Variants in ASXL3 observed in about 807,000 individuals in gnomAD.
The protein encoded by ASXL3 is putative Polycomb group protein ASXL3.
In ASXL3, 34 loss-of-function variants were observed where a neutral mutation model predicts 170.6. The ratio of observed to expected loss-of-function variants is 0.20; its 90% confidence interval spans 0.15 to 0.27. The LOEUF is 0.27. Among genes scored for constraint, ASXL3 ranks in the 10% least tolerant of loss-of-function variants. ASXL3 has a pLI of 1.00. For missense variants in ASXL3, 2,592 were observed against 2,695.3 expected (o/e 0.96, Z 0.85); for synonymous variants, 1,002 against 989.1 (o/e 1.01, Z -0.24).
At chr18:33,657,905 T>C (rs1046917838) in intron 4 of ASXL3, among the ~76,000 whole-genome samples, 1 of 152,164 alleles carries the variant, frequency 6.6e-6, no homozygotes, top group African/African-American at 2.4e-5. Context: ...ATAAAAATTC[T>C]AGGGAGAACT....
chr18:33,651,528 T>C (rs2065998716), intron 4 of ASXL3, among the ~76,000 whole-genome samples: 2 of 152,202 alleles, frequency 1.3e-5, no homozygotes, highest in Admixed American at 6.5e-5. Flanking sequence ...TTCCTTCTTA[T>C]ATTCATCCTT....
chr18:33,586,530 T>G (rs1387669799), intron 1 of ASXL3, among the ~76,000 whole-genome samples: 1 of 152,124 alleles, frequency 6.6e-6, no homozygotes, highest in Non-Finnish European at 1.5e-5. Flanking sequence ...AAAAATCAGA[T>G]TTCTTGATAG....
intron 8 of ASXL3, among the ~76,000 whole-genome samples, chr18:33,714,645 C>A (rs573039114): frequency 2.2e-4 from 33 of 152,096 alleles, no homozygotes; most frequent in African/African-American, 6.3e-4. Flanking sequence ...CACGTTTTCC[C>A]CAACTCAGCT....
chr18:33,725,126 C>T (rs536096994), intron 8 of ASXL3, among the ~76,000 whole-genome samples: 1 of 152,200 alleles, frequency 6.6e-6, no homozygotes, highest in Non-Finnish European at 1.5e-5. Context: ...GGTGCTTGAT[C>T]ATGCAGGGTA....
intron 7 of ASXL3, among the ~76,000 whole-genome samples, chr18:33,675,345 T>G (rs1252392869): frequency 6.6e-6 from 1 of 152,164 alleles, no homozygotes; most frequent in African/African-American, 2.4e-5. Flanking sequence ...ACAGCCTGTA[T>G]TCCCTCTTCT....
At chr18:33,664,093 A>C (rs1396789973) in intron 5 of ASXL3, among the ~76,000 whole-genome samples, 1 of 152,100 alleles carries the variant, frequency 6.6e-6, no homozygotes, top group Non-Finnish European at 1.5e-5. Context: ...GTTTCTAGAC[A>C]CTGTACTCTC....
At chr18:33,625,890 G>T (rs1002772646) in intron 2 of ASXL3, 8 of 152,080 alleles carry the variant, frequency 5.3e-5, no homozygotes, top group African/African-American at 1.9e-4. Flanking sequence ...ATAGCAGCTT[G>T]ACTCAAAAAT....
rs550875487 is a variant in ASXL3, at chr18:33,616,704, A to G, written c.137+9028A>G. 2.0e-5 allele frequency: 3 copies of G among 152,254 alleles called. No individual in the cohort carries two copies. In the South Asian group the frequency reaches 6.2e-4, roughly 32 times the overall value. 9.4% of individuals were successfully genotyped at this position (152,254 alleles called of 1,614,324 possible). A position where few individuals can be genotyped will look rare whatever the true frequency, so the allele number is the denominator to read the frequency against. Reference sequence around the variant, plus strand: ...TTCTGGAAGACAGAAAGCCCAGATTAAGGTTGGCAGTGTCCGTTTCTGGTA... The same window carrying G: ...TTCTGGAAGACAGAAAGCCCAGATTGAGGTTGGCAGTGTCCGTTTCTGGTA... On this transcript the variant is annotated intron_variant, in intron 2 of 11. Coordinates refer to ENST00000269197, the MANE Select transcript of ASXL3 (RefSeq NM_030632.3).
chr18:33,608,116 T>C (rs540794963), intron 2 of ASXL3, among the ~76,000 whole-genome samples: 1 of 152,152 alleles, frequency 6.6e-6, no homozygotes, highest in South Asian at 2.1e-4. Flanking sequence ...AGAACTCTAC[T>C]TGGTGCATCC....
intron 8 of ASXL3, 101 bp from the exon 9 acceptor site, chr18:33,731,867 C>A: frequency 1.3e-6 from 1 of 789,278 alleles, no homozygotes; most frequent in Non-Finnish European, 2.1e-6. Flanking sequence ...CCTCCTCACA[C>A]ATACACTGCC....
chr18:33,621,908 T>A (rs1448847016), intron 2 of ASXL3, among the ~76,000 whole-genome samples: 4 of 152,160 alleles, frequency 2.6e-5, no homozygotes, highest in African/African-American at 9.6e-5. Flanking sequence ...TTATTTACAT[T>A]ATATTTTATG....
At chr18:33,651,685 G>T (rs150453009) in intron 4 of ASXL3, among the ~76,000 whole-genome samples, 113 of 152,202 alleles carry the variant, frequency 7.4e-4, no homozygotes, top group Non-Finnish European at 1.4e-3. Context: ...CCATTTAGGG[G>T]ATAAGCAGAG....
At position 33,744,747 on chromosome 18, in the gene ASXL3, T is replaced by C. The variant is rs1004855056; in HGVS notation, c.4899T>C (p.Tyr1633=). The C allele has an allele frequency of 9.3e-6, 15 of 1,613,924 alleles. No homozygotes were observed. Among genetic ancestry groups the C allele is most frequent in the African/African-American group, 4.0e-5 (3 of 75,028 alleles). The change falls in exon 12 of 12, where the codon TAT becomes TAC. Residue 1633 remains tyrosine, a synonymous_variant. Transcript: ENST00000269197. ...THSGSSKQKE[Y]LEQSCPKAIK... ...CGGGTTCAAGTAAACAAAAAGAATA[T>C]CTAGAGCAAAGCTGTCCAAAGGCTA...
intron 8 of ASXL3, among the ~76,000 whole-genome samples, chr18:33,708,148 G>A (rs1008161954): frequency 6.6e-6 from 1 of 152,104 alleles, no homozygotes; most frequent in Non-Finnish European, 1.5e-5. Context: ...AAATTAGCTA[G>A]TAAATATTCT....
intron 8 of ASXL3, among the ~76,000 whole-genome samples, chr18:33,716,201 A>T (rs1437224194): frequency 6.6e-6 from 1 of 152,212 alleles, no homozygotes; most frequent in Non-Finnish European, 1.5e-5. Context: ...TCTGACTTAC[A>T]GATACTGTAC....
At chr18:33,671,943 G>A (rs2066350602) in intron 7 of ASXL3, 77 bp downstream of exon 7, 1 of 1,348,040 alleles carries the variant, frequency 7.4e-7, no homozygotes, top group Admixed American at 3.1e-5. Flanking sequence ...AAAATTTTCA[G>A]AACATTTTTT....
At chr18:33,619,479 T>TA (rs2065477064) in intron 2 of ASXL3, among the ~76,000 whole-genome samples, 1 of 151,882 alleles carries the variant, frequency 6.6e-6, no homozygotes, top group African/African-American at 2.4e-5. Context: ...ACAACCCACT[T>TA]ACATTTGGAG....
At chr18:33,718,846 C>G (rs907115801) in intron 8 of ASXL3, among the ~76,000 whole-genome samples, 5 of 151,906 alleles carry the variant, frequency 3.3e-5, no homozygotes, top group Non-Finnish European at 5.9e-5. Context: ...AGTCATAGGT[C>G]CTTCCCATAA....
chr18:33,648,840 G>A (rs1599443950), intron 4 of ASXL3, among the ~76,000 whole-genome samples: 3 of 152,176 alleles, frequency 2.0e-5, no homozygotes, highest in East Asian at 3.9e-4. Flanking sequence ...ATTTTGGAGG[G>A]TGAAGTGACT....
Sources: gnomAD v4.1 joint callset for allele counts (sites outside exome capture counted in the v4.1 genomes callset) on GRCh38, gnomAD v4.1.1 for gene constraint, MANE v1.5 for transcripts, NCBI Gene and HGNC (gene_info 2026-07-23, HGNC 2026-07-21) for gene names.